The following TOMM70 variants were observed in gnomAD, a reference collection of about 807,000 sequenced individuals.
TOMM70 encodes the protein translocase of outer mitochondrial membrane 70, also known as mitochondrial import receptor subunit TOM70.
Under a neutral mutation model 73.6 loss-of-function variants are expected in TOMM70, and 13 were observed. That is an observed-to-expected ratio of 0.18 (90% CI 0.11 to 0.28). The LOEUF is 0.28. Ranked by LOEUF, TOMM70 falls within the 10% of genes least tolerant of loss-of-function variation. The pLI, the probability that TOMM70 is intolerant of heterozygous loss-of-function variation, is 1.00. For missense variants in TOMM70, 609 were observed against 747.5 expected (o/e 0.81, Z 2.16); for synonymous variants, 257 against 271.2 (o/e 0.95, Z 0.51).
chr3:100,388,920 A>G (rs1204981950), intron 1 of TOMM70, among the ~76,000 whole-genome samples: 1 of 152,192 alleles, frequency 6.6e-6, no homozygotes. Context: ...ACAGAATGCC[A>G]TGGAAACAGA....
At chr3:100,378,927 A>G (rs1318607039) in intron 5 of TOMM70, among the ~76,000 whole-genome samples, 1 of 152,136 alleles carries the variant, frequency 6.6e-6, no homozygotes, top group Non-Finnish European at 1.5e-5. Context: ...GAATGGCATG[A>G]ACCCGGGAGG....
rs138607226 is a variant in TOMM70, at chr3:100,378,105, G to A, written c.885-193C>T. On this transcript the variant is annotated intron_variant, in intron 5 of 11. Coordinates refer to ENST00000284320, the MANE Select transcript of TOMM70 (RefSeq NM_014820.5). The stretch of plus-strand genomic sequence containing the variant: ...CTAAAAATACAAAAATTAGCCGGGC[G>A]TGGAGGCGCATGCCTGTATCCCAGA... Among the ~76,000 whole-genome samples the A allele has an allele frequency of 7.5e-3, 1,143 of 152,052 alleles. 4 individuals carry two copies. Among genetic ancestry groups the A allele is most frequent in the Middle Eastern group, 0.027 (8 of 294 alleles).
Position 100,365,550 on chromosome 3 carries a change from G to A in TOMM70, c.*14C>T. 2 of 1,614,082 alleles carry A rather than the reference G, an allele frequency of 1.2e-6. No individual in the cohort carries two copies. The highest frequency in any genetic ancestry group is 1.7e-6 in the Non-Finnish European group (2 of 1,179,964). ...AAACTTTTAAAAAGAGGGTCAGTCT[G>A]CTTTCCCCCTGTTTTATAATGTTGG... is the stretch of plus-strand genomic sequence containing the variant. On this transcript the variant is annotated 3_prime_UTR_variant, in exon 12 of 12. Transcript: ENST00000284320.
intron 11 of TOMM70, among the ~76,000 whole-genome samples, chr3:100,366,738 T>C (rs1374288977): frequency 1.3e-5 from 2 of 152,344 alleles, no homozygotes; most frequent in East Asian, 3.9e-4. Context: ...TGAACAAAAT[T>C]CCATCAAACC....
intron 1 of TOMM70, among the ~76,000 whole-genome samples, chr3:100,399,997 C>G (rs774499975): frequency 1.3e-5 from 2 of 152,048 alleles, no homozygotes. Context: ...GAGGACGAGC[C>G]TTGGGAGCTT....
chr3:100,372,634 C>T lies in TOMM70; in HGVS notation c.1424G>A (p.Cys475Tyr). ...GGCGTATAGTGCATAGCCTTCGGCA[C>T]ACCTTGGAAATTTCTTTATGACCTC... ...FEEVIKKFPR[C>Y]AEGYALYAQA... Residue 475 changes from cysteine to tyrosine, a missense_variant, in exon 9 of 12, where the codon TGT becomes TAT. Cys to Tyr is a radical substitution (Grantham distance 194). Coordinates refer to ENST00000284320, the MANE Select transcript of TOMM70 (RefSeq NM_014820.5). The T allele has an allele frequency of 1.2e-6, 2 of 1,614,064 alleles. No homozygotes were observed. The highest frequency in any genetic ancestry group is 1.1e-5 in the South Asian group (1 of 91,066).
chr3:100,367,124 G>C (rs2148888246), intron 11 of TOMM70, among the ~76,000 whole-genome samples: 1 of 152,288 alleles, frequency 6.6e-6, no homozygotes, highest in African/African-American at 2.4e-5. Flanking sequence ...GGGTGGCTGA[G>C]GTACAAGAAT....
Position 100,368,060 on chromosome 3 carries a change from T to C in TOMM70, c.1657A>G (p.Thr553Ala). The change falls in exon 11 of 12, where the codon ACT becomes GCT. Residue 553 changes from threonine (T) to alanine (A), a missense_variant. Transcript: ENST00000284320. Reference sequence around the variant, plus strand: ...AGAAGTTACCTTTGTACTTCAATAGTTCCCATGGTTTCATAGGCAAAATCA... The same window carrying C: ...AGAAGTTACCTTTGTACTTCAATAGCTCCCATGGTTTCATAGGCAAAATCA... ...KCDFAYETMG[T>A]IEVQRGNMEK... The C allele has an allele frequency of 5.6e-6, 9 of 1,613,856 alleles. No homozygotes were observed. The highest frequency in any genetic ancestry group is 7.6e-6 in the Non-Finnish European group (9 of 1,179,884).
intron 1 of TOMM70, among the ~76,000 whole-genome samples, chr3:100,400,356 T>C (rs1706879058): frequency 6.6e-6 from 1 of 152,222 alleles, no homozygotes; most frequent in Admixed American, 6.5e-5. Context: ...CACTCCCATC[T>C]ACAACACTAG....
At chr3:100,396,021 T>G (rs924587113) in intron 1 of TOMM70, among the ~76,000 whole-genome samples, 1 of 151,886 alleles carries the variant, frequency 6.6e-6, no homozygotes, top group Non-Finnish European at 1.5e-5. Context: ...CAGGTTTTTT[T>G]TTTTTTTTTT....
chr3:100,400,645 G>A lies in TOMM70; in HGVS notation c.305C>T (p.Pro102Leu), dbSNP rs759055962. ...PAPGSGHPEG[P>L]GAHLDMNSLD... is the part of the protein sequence containing the mutation. The stretch of plus-strand genomic sequence containing the variant: ...TCTCACCATGTCCAAGTGAGCACCG[G>A]GACCTTCAGGGTGTCCGCTGCCCGG... The change falls in exon 1 of 12, where the codon CCC (proline) becomes CTC (leucine). Residue 102 changes from proline to leucine, a missense_variant. Pro to Leu is a moderately conservative substitution (Grantham distance 98, BLOSUM62 -3). Around this residue, in one of 2 missense-constraint regions of TOMM70, gnomAD observed 177 missense variants for 163.5 expected, o/e 1.08. Transcript: ENST00000284320. 1.2e-6 allele frequency: 2 copies of A among 1,612,132 alleles called. No homozygotes were observed. The highest frequency in any genetic ancestry group is 8.5e-7 in the Non-Finnish European group (1 of 1,179,636).
At chr3:100,375,436 T>A (rs1706551834) in intron 6 of TOMM70, among the ~76,000 whole-genome samples, 1 of 152,226 alleles carries the variant, frequency 6.6e-6, no homozygotes, top group African/African-American at 2.4e-5. Flanking sequence ...CCAACCTATT[T>A]TCTATTTCTA....
chr3:100,395,095 C>T (rs1706807446), intron 1 of TOMM70, among the ~76,000 whole-genome samples: 2 of 152,080 alleles, frequency 1.3e-5, no homozygotes, highest in African/African-American at 4.8e-5. Flanking sequence ...TACGGCCAGG[C>T]GCGGTGGCTC....
At chr3:100,394,348 A>G (rs1706796218) in intron 1 of TOMM70, among the ~76,000 whole-genome samples, 1 of 134,032 alleles carries the variant, frequency 7.5e-6, no homozygotes, top group South Asian at 2.2e-4. Flanking sequence ...ATACTTATTG[A>G]CCAACTGTTA....
intron 1 of TOMM70, among the ~76,000 whole-genome samples, chr3:100,387,731 G>T (rs1298111988): frequency 2.6e-5 from 4 of 151,454 alleles, no homozygotes; most frequent in African/African-American, 9.7e-5. Flanking sequence ...CACCTCCTAG[G>T]TTCAAGTGAT....
chr3:100,394,365 C>CTTTTCTTTTCTT (rs769287867), intron 1 of TOMM70, among the ~76,000 whole-genome samples: 1 of 131,392 alleles, frequency 7.6e-6, no homozygotes. Flanking sequence ...GTTACTTTTT[C>CTTTTCTTTTCTT]TTTTTTTTTT....
chr3:100,386,212 C>T lies in TOMM70; in HGVS notation c.625+6G>A. ...TTTTCATATGTAAACACAAAATTAC[C>T]CTCACCTTCTAAACATTCCTTCTTA... On this transcript the variant is annotated splice_donor_region_variant and intron_variant, in intron 3 of 11. Coordinates refer to ENST00000284320, the MANE Select transcript of TOMM70 (RefSeq NM_014820.5). The T allele has an allele frequency of 6.2e-7, 1 of 1,601,910 alleles. No homozygotes were observed. Among genetic ancestry groups the T allele is most frequent in the Non-Finnish European group, 8.5e-7 (1 of 1,173,964 alleles).
In TOMM70 at chr3:100,364,206, G is replaced by A. The variant is rs537759141; in HGVS notation, c.*1358C>T. On this transcript the variant is annotated 3_prime_UTR_variant, in exon 12 of 12. Transcript: ENST00000284320. ...AGTGATTTCTAAGTAAGGAGGTGGA[G>A]TAAAGCTTAAACACTGTCAGTACCC... The A allele has an allele frequency of 1.3e-5, 2 of 152,288 alleles. No individual in the cohort carries two copies. The highest frequency in any genetic ancestry group is 4.8e-5 in the African/African-American group (2 of 41,560). 9.4% of individuals were successfully genotyped at this position (152,288 alleles called of 1,614,324 possible).
rs141227349 is a variant in TOMM70, at chr3:100,376,369, G to GTTTTTTTTTTTTTTTTTTTTTTT, written c.1093-1218_1093-1217insAAAAAAAAAAAAAAAAAAAAAAA. Among the ~76,000 whole-genome samples, 30 of 121,762 alleles carry GTTTTTTTTTTTTTTTTTTTTTTT rather than the reference G, an allele frequency of 2.5e-4. 3 individuals carry two copies. Among genetic ancestry groups the GTTTTTTTTTTTTTTTTTTTTTTT allele is most frequent in the African/African-American group, 8.9e-4 (24 of 27,050 alleles). 79.9% of individuals were successfully genotyped at this position (121,762 alleles called of 152,430 possible). ...CTTGATGGTGTCTTTTCACACAGAA[G>GTTTTTTTTTTTTTTTTTTTTTTT]TTTTTTTTTTTTTTTGAGACAGGAT... On this transcript the variant is annotated intron_variant, in intron 6 of 11. Coordinates refer to ENST00000284320, the MANE Select transcript of TOMM70 (RefSeq NM_014820.5).
Sources: allele counts gnomAD v4.1 joint callset (sites outside exome capture counted in the v4.1 genomes callset), GRCh38; gene constraint gnomAD v4.1.1; regional missense constraint gnomAD v4.1.1; transcripts MANE v1.5; gene names NCBI Gene and HGNC (gene_info 2026-07-23, HGNC 2026-07-21).